SCAND1: variants seen among roughly 807,000 people sequenced by gnomAD.
The protein encoded by SCAND1 is SCAN domain containing 1, also known as SCAN domain-containing protein 1.
SCAND1 carries 3 observed loss-of-function variants against 3.4 expected under a neutral mutation model. The observed-to-expected ratio is 0.87, with a 90% CI of 0.40 to 2.25. The LOEUF is 2.25. Ranked by LOEUF, SCAND1 falls within the 30% of genes most tolerant of loss-of-function variation. The probability of loss-of-function intolerance (pLI) is 0.05; values close to 1 mark genes in which losing one functional copy is unlikely to be tolerated. For synonymous variants in SCAND1, 152 were observed against 120.5 expected (o/e 1.26, Z -1.72); for missense variants, 303 against 258.8 (o/e 1.17, Z -1.17).
chr20:35,954,419 G>C lies in SCAND1; in HGVS notation c.-56+29C>G, dbSNP rs532041761. ...CGTCACCCTTGAGGGAGTCGGACTC[G>C]GGACCGGCCGAGAGTGTGCGGAGCT... On this transcript the variant is annotated intron_variant, in intron 1 of 1. Transcript: ENST00000305978. The C allele has an allele frequency of 2.0e-4, 318 of 1,551,546 alleles. 4 individuals carry two copies. In the South Asian group the frequency reaches 3.5e-3, roughly 17 times the overall value.
chr20:35,953,798 C>A lies in SCAND1; in HGVS notation c.487G>T (p.Ala163Ser), dbSNP rs772891564. The A allele has an allele frequency of 1.2e-5, 18 of 1,531,552 alleles. No individual in the cohort carries two copies. The South Asian group carries it at 2.1e-4, about 17-fold the overall frequency. 94.9% of individuals were successfully genotyped at this position (1,531,552 alleles called of 1,614,324 possible). Residue 163 changes from alanine to serine, a missense_variant, in exon 2 of 2, where the codon GCG becomes TCG. Physicochemically the swap from Ala to Ser is moderately conservative, Grantham distance 99. Coordinates refer to ENST00000305978, the MANE Select transcript of SCAND1 (RefSeq NM_033630.3). ...CGGCGGATCCGCCGGGCCCGAGCCG[C>A]CTCGGGCAGGATGGCGAGCAGCTGC... ...QEQLLAILPE[A>S]ARARRIRRRT...
chr20:35,954,508 G>T (rs1293254763), upstream of SCAND1: 1 of 1,534,568 alleles, frequency 6.5e-7, no homozygotes, highest in Non-Finnish European at 8.8e-7. Context: ...TCTGCGTCCA[G>T]GTCGGCGCGC....
Position 35,954,174 on chromosome 20 carries a change from G to A in SCAND1, c.111C>T (p.Gly37=), listed in dbSNP as rs1448922659. The A allele has an allele frequency of 3.1e-6, 5 of 1,608,602 alleles. No individual in the cohort carries two copies. The highest frequency in any genetic ancestry group is 4.2e-6 in the Non-Finnish European group (5 of 1,178,572). ...SSSAPERNCV[G]SSLPEASPPA... ...GCGGTGAGGCCTCTGGCAGCGAGGA[G>A]CCCACACAGTTACGCTCAGGGGCTG... Residue 37 remains glycine (G), a synonymous_variant, in exon 2 of 2, where the codon GGC becomes GGT. Coordinates refer to ENST00000305978, the MANE Select transcript of SCAND1 (RefSeq NM_033630.3).
chr20:35,957,604 C>T (rs201015531), upstream of SCAND1: 5 of 152,190 alleles, frequency 3.3e-5, 1 homozygote, highest in East Asian at 3.9e-4. Flanking sequence ...GCCTCTTCTT[C>T]GAAAAGGGAT....
At chr20:35,959,200 G>A (rs969820958), upstream of SCAND1, 4 of 152,268 alleles carry the variant, frequency 2.6e-5, no homozygotes, top group Middle Eastern at 6.8e-3. Flanking sequence ...ACTGGTGCAG[G>A]GTTTGGCACA....
chr20:35,954,523 A>C (rs1600995104), upstream of SCAND1: 1 of 1,525,006 alleles, frequency 6.6e-7, no homozygotes, highest in South Asian at 1.2e-5. Context: ...GCGCGCGAGC[A>C]CCCGGAAGCC....
upstream of SCAND1, chr20:35,955,422 C>T (rs2056245330): frequency 6.6e-6 from 1 of 152,160 alleles, no homozygotes; most frequent in Admixed American, 6.5e-5. Flanking sequence ...ATTGCATGTG[C>T]AGTTTACATT....
upstream of SCAND1, chr20:35,959,192 T>C (rs745711432): frequency 1.1e-4 from 17 of 152,242 alleles, no homozygotes; most frequent in Non-Finnish European, 2.1e-4. Flanking sequence ...ATAAGGGAAC[T>C]GGTGCAGGGT....
chr20:35,954,266 T>TCGGCTCCGTAGCCGCCATAACTC lies in SCAND1; in HGVS notation c.-5_18dup (p.Ile7GlufsTer83), dbSNP rs1568831317. ...GCGGGACTCCCAGTGGCCGCCAAGA[T>TCGGCTCCGTAGCCGCCATAACTC]CGGCTCCGTAGCCGCCATAACTCCA... is the stretch of plus-strand genomic sequence containing the variant. On this transcript the variant is annotated frameshift_variant, in exon 2 of 2. Transcript: ENST00000305978. LOFTEE classifies it low-confidence loss of function (END_TRUNC). 6.2e-7 allele frequency: 1 copy of TCGGCTCCGTAGCCGCCATAACTC among 1,612,658 alleles called. No homozygotes were observed. The highest frequency in any genetic ancestry group is 1.7e-5 in the Admixed American group (1 of 60,012).
upstream of SCAND1, among the ~76,000 whole-genome samples, chr20:35,958,640 T>TTGTG (rs141670470): frequency 1.8e-4 from 27 of 149,548 alleles, no homozygotes; most frequent in Non-Finnish European, 3.1e-4. Flanking sequence ...ATACATGCAT[T>TTGTG]TGTGTGTGTG....
At chr20:35,956,887 G>A (rs1447512838), upstream of SCAND1, among the ~76,000 whole-genome samples, 3 of 152,220 alleles carry the variant, frequency 2.0e-5, no homozygotes, top group East Asian at 5.8e-4. Flanking sequence ...GTGAGTAGGA[G>A]CAAAACTGTG....
chr20:35,956,058 A>C (rs1025543176), upstream of SCAND1, among the ~76,000 whole-genome samples: 1 of 152,194 alleles, frequency 6.6e-6, no homozygotes, highest in African/African-American at 2.4e-5. Context: ...CAGAAGGGGA[A>C]ACTGAGGCCC....
upstream of SCAND1, among the ~76,000 whole-genome samples, chr20:35,957,977 G>C (rs187674755): frequency 9.2e-5 from 14 of 152,324 alleles, no homozygotes; most frequent in Middle Eastern, 3.4e-3. Flanking sequence ...GTGGATTGCA[G>C]ACCATCCCTG....
chr20:35,954,722 G>T, upstream of SCAND1: 1 of 927,966 alleles, frequency 1.1e-6, no homozygotes, highest in Non-Finnish European at 1.5e-6. Context: ...TTCAAGTCCC[G>T]GACCTTATCC....
chr20:35,954,391 T>C (rs1043629208), intron 1 of SCAND1, 52 bp from the exon 2 acceptor site: 8 of 1,564,566 alleles, frequency 5.1e-6, no homozygotes, highest in Non-Finnish European at 6.9e-6. Flanking sequence ...AGGGCAGAGC[T>C]CGCGTCACCC....
upstream of SCAND1, among the ~76,000 whole-genome samples, chr20:35,955,810 A>G (rs1315848085): frequency 6.6e-6 from 1 of 151,984 alleles, no homozygotes; most frequent in Non-Finnish European, 1.5e-5. Flanking sequence ...TCCTCCGCCT[A>G]CCGGGTTCAA....
chr20:35,954,251 C>T lies in SCAND1; in HGVS notation c.34G>A (p.Gly12Arg). The change falls in exon 2 of 2, where the codon GGG (glycine) becomes AGG (arginine). Residue 12 changes from glycine (G) to arginine (R), a missense_variant. Transcript: ENST00000305978. ...AATEPILAAT[G>R]SPAAVPPEKL... ...TCCGGTGGCACCGCCGCGGGACTCCCAGTGGCCGCCAAGATCGGCTCCGTA... is the reference window on the plus strand; with the variant it reads ...TCCGGTGGCACCGCCGCGGGACTCCTAGTGGCCGCCAAGATCGGCTCCGTA... 4 of 1,613,098 alleles carry T rather than the reference C, an allele frequency of 2.5e-6. No homozygotes were observed. Among genetic ancestry groups the T allele is most frequent in the Non-Finnish European group, 3.4e-6 (4 of 1,179,934 alleles).
At chr20:35,955,837 C>T (rs142450927), upstream of SCAND1, among the ~76,000 whole-genome samples, 2,319 of 152,126 alleles carry the variant, frequency 0.015, 25 homozygotes, top group Middle Eastern at 0.041. Flanking sequence ...CTCCTCCCTC[C>T]GCCTCCCGAG....
At position 35,954,024 on chromosome 20, in the gene SCAND1, G is replaced by A; in HGVS notation, c.261C>T (p.Ala87=). ...CTGGTGTGGAGCGCGCTTCAGCTTC[G>A]GCCTGAGGCGCTACGCTCACGGGTG... ...GPAPVSVAPQ[A]EAEARSTPGP... is the part of the protein sequence containing the mutation. Residue 87 remains alanine, a synonymous_variant, in exon 2 of 2, where the codon GCC becomes GCT. Coordinates refer to ENST00000305978, the MANE Select transcript of SCAND1 (RefSeq NM_033630.3). 3 of 1,544,722 alleles carry A rather than the reference G, an allele frequency of 1.9e-6. No individual in the cohort carries two copies. Among genetic ancestry groups the A allele is most frequent in the South Asian group, 1.2e-5 (1 of 84,130 alleles).
Sources: allele counts gnomAD v4.1 joint callset (sites outside exome capture counted in the v4.1 genomes callset), GRCh38; gene constraint gnomAD v4.1.1; transcripts MANE v1.5; gene names NCBI Gene and HGNC (gene_info 2026-07-23, HGNC 2026-07-21).